MAPKAP1: variants seen among roughly 807,000 people sequenced by gnomAD.
The protein encoded by MAPKAP1 is target of rapamycin complex 2 subunit MAPKAP1.
In MAPKAP1, 20 loss-of-function variants were observed where a neutral mutation model predicts 65.7. The observed-to-expected ratio is 0.30, with a 90% CI of 0.21 to 0.44. The LOEUF (loss-of-function observed/expected upper bound fraction) is 0.44. MAPKAP1 is among the 20% of genes least tolerant of loss of function. The pLI is 1.00. For missense variants in MAPKAP1, 423 were observed against 648.0 expected, an observed-to-expected ratio of 0.65 and a Z score of 3.77; for synonymous variants, 222 against 244.3, an observed-to-expected ratio of 0.91 and a Z score of 0.85.
At chr9:125,658,024 G>A in intron 3 of MAPKAP1, among the ~76,000 whole-genome samples, 1 of 152,158 alleles carries the variant, frequency 6.6e-6, no homozygotes, top group East Asian at 1.9e-4. Context: ...GTTAAGGGAG[G>A]GGGAAGAATC....
At chr9:125,571,867 A>G (rs1238637777) in intron 5 of MAPKAP1, among the ~76,000 whole-genome samples, 2 of 152,132 alleles carry the variant, frequency 1.3e-5, no homozygotes, top group Non-Finnish European at 2.9e-5. Flanking sequence ...CTATCTCAAA[A>G]TAAATAAATA....
chr9:125,524,034 CTTAT>C (rs892670525), intron 7 of MAPKAP1, among the ~76,000 whole-genome samples: 28 of 152,326 alleles, frequency 1.8e-4, no homozygotes, highest in African/African-American at 5.5e-4. Context: ...TTGGTGAGTA[CTTAT>C]TTATTTATTT....
At chr9:125,571,990 T>G (rs1276775898) in intron 5 of MAPKAP1, among the ~76,000 whole-genome samples, 3 of 152,268 alleles carry the variant, frequency 2.0e-5, no homozygotes, top group African/African-American at 7.2e-5. Flanking sequence ...AAACAAAATT[T>G]GGAGCATATT....
At chr9:125,520,156 A>T (rs1050825670) in intron 7 of MAPKAP1, among the ~76,000 whole-genome samples, 1 of 152,166 alleles carries the variant, frequency 6.6e-6, no homozygotes, top group Admixed American at 6.5e-5. Context: ...AAAATTTCCC[A>T]TCTGTAAAAA....
chr9:125,700,668 C>T (rs953948693), intron 1 of MAPKAP1, among the ~76,000 whole-genome samples: 2 of 152,216 alleles, frequency 1.3e-5, no homozygotes, highest in African/African-American at 4.8e-5. Context: ...ATCTAGACTG[C>T]TGCCAACTAG....
intron 10 of MAPKAP1, among the ~76,000 whole-genome samples, chr9:125,457,612 G>A (rs537042713): frequency 6.6e-6 from 1 of 152,306 alleles, no homozygotes; most frequent in Admixed American, 6.5e-5. Flanking sequence ...AGAGTATTGG[G>A]CTTTGTTCTG....
In MAPKAP1 at chr9:125,439,520, C is replaced by G. The variant is rs1200020707; in HGVS notation, c.1444-508G>C. On this transcript the variant is annotated intron_variant, in intron 11 of 11. Coordinates refer to ENST00000265960, the MANE Select transcript of MAPKAP1 (RefSeq NM_001006617.3). The surrounding 1 kb of genome is among the most constrained non-coding windows in gnomAD (Gnocchi z 4.0). ...GTGCTTCCTTCAGGGCTCATGAGTG[C>G]CCAGCCAGGCAGGGCTCACTTGACA... 6.6e-6 allele frequency among the ~76,000 whole-genome samples: 1 copy of G among 152,210 alleles called. No homozygotes were observed.
intron 4 of MAPKAP1, among the ~76,000 whole-genome samples, chr9:125,601,048 T>A (rs73667022): frequency 0.027 from 4,046 of 152,286 alleles, 183 homozygotes; most frequent in African/African-American, 0.093. Flanking sequence ...TTACATGTTT[T>A]AAACTCTATC....
intron 1 of MAPKAP1, among the ~76,000 whole-genome samples, chr9:125,673,506 G>A (rs968117932): frequency 8.5e-5 from 13 of 152,204 alleles, no homozygotes; most frequent in East Asian, 1.9e-4. Context: ...GATTACAGGC[G>A]TGAGCCACCA....
intron 3 of MAPKAP1, among the ~76,000 whole-genome samples, chr9:125,661,027 G>C (rs1834170404): frequency 6.6e-6 from 1 of 152,090 alleles, no homozygotes; most frequent in Non-Finnish European, 1.5e-5. Context: ...TATTCTAAAA[G>C]TAAAGAAGAC....
chr9:125,685,801 T>C lies in MAPKAP1; in HGVS notation c.-69-13158A>G, dbSNP rs372956355. 3.9e-5 allele frequency among the ~76,000 whole-genome samples: 6 copies of C among 152,352 alleles called. No individual in the cohort carries two copies. In the East Asian group the frequency reaches 7.7e-4, roughly 20 times the overall value. On this transcript the variant is annotated intron_variant, in intron 1 of 11. Coordinates refer to ENST00000265960, the MANE Select transcript of MAPKAP1 (RefSeq NM_001006617.3). ...CAATAAGAGCTCATTGTGGAATGAA[T>C]AGACAACAGGTGCATCTTTCTTGTT...
At chr9:125,680,893 G>A (rs1834801811) in intron 1 of MAPKAP1, among the ~76,000 whole-genome samples, 1 of 152,160 alleles carries the variant, frequency 6.6e-6, no homozygotes, top group Non-Finnish European at 1.5e-5. Flanking sequence ...ACTTCAGGAA[G>A]GAAGGCAGAA....
rs1356986476 is a variant in MAPKAP1, at chr9:125,521,559, T to G, written c.959-15142A>C. 3 of 1,380,988 alleles carry G rather than the reference T, an allele frequency of 2.2e-6. No homozygotes were observed. The African/African-American group carries it at 4.5e-5, about 21-fold the overall frequency. The allele number at this position is 1,380,988 out of a possible 1,614,324, so 85.5% of individuals were successfully genotyped here. On this transcript the variant is annotated intron_variant, in intron 7 of 11. Coordinates refer to ENST00000265960, the MANE Select transcript of MAPKAP1 (RefSeq NM_001006617.3). ...AATGCATTCAAATAAATGCCAAAAC[T>G]GGTTGATGGGGATCCAGGGTGCTAA...
intron 8 of MAPKAP1, among the ~76,000 whole-genome samples, chr9:125,491,432 C>A (rs531541711): frequency 2.0e-5 from 3 of 151,888 alleles, no homozygotes; most frequent in African/African-American, 7.2e-5. Flanking sequence ...CAGAGTGAGA[C>A]CCTGTCTCAA....
rs1454816577 is a variant in MAPKAP1, at chr9:125,447,930, C to T, written c.1346-3332G>A. On this transcript the variant is annotated intron_variant, in intron 10 of 11. Coordinates refer to ENST00000265960, the MANE Select transcript of MAPKAP1 (RefSeq NM_001006617.3). The surrounding 1 kb of genome is among the most constrained non-coding windows in gnomAD (Gnocchi z 4.5). ...GGCATGGGCAAACATACAGGGTCTCCATGGGAGCTCTGGGCAAACCAGGGT... is the reference window on the plus strand; with the variant it reads ...GGCATGGGCAAACATACAGGGTCTCTATGGGAGCTCTGGGCAAACCAGGGT... Among the ~76,000 whole-genome samples, 1 of 152,186 alleles carries T rather than the reference C, an allele frequency of 6.6e-6. No individual in the cohort carries two copies. The highest frequency in any genetic ancestry group is 6.5e-5 in the Admixed American group (1 of 15,282).
At chr9:125,442,444 A>G (rs1398510281) in intron 11 of MAPKAP1, among the ~76,000 whole-genome samples, 2 of 151,856 alleles carry the variant, frequency 1.3e-5, no homozygotes, top group Non-Finnish European at 2.9e-5. Context: ...TCTGTCATCA[A>G]TCTGCTGTTG....
chr9:125,620,024 T>C (rs767512039), intron 4 of MAPKAP1, among the ~76,000 whole-genome samples: 11 of 152,194 alleles, frequency 7.2e-5, no homozygotes, highest in Non-Finnish European at 1.0e-4. Flanking sequence ...TTATACAGAT[T>C]TGGGCCGGGT....
rs77961936 is a variant in MAPKAP1 at position 125,658,365 on chromosome 9, C to T, written c.350-566G>A. Among the ~76,000 whole-genome samples the T allele has an allele frequency of 3.1e-3, 467 of 152,268 alleles. 19 individuals carry two copies. In the East Asian group the frequency reaches 0.079, roughly 26 times the overall value. Reference sequence around the variant, plus strand: ...ACAGTAGCTAACATTTATTGCTGCTCGGCCTTTTGGCTAAGATCAAGTGTA... The same window carrying T: ...ACAGTAGCTAACATTTATTGCTGCTTGGCCTTTTGGCTAAGATCAAGTGTA... On this transcript the variant is annotated intron_variant, in intron 3 of 11. Transcript: ENST00000265960.
intron 7 of MAPKAP1, among the ~76,000 whole-genome samples, chr9:125,542,397 A>G (rs1830279414): frequency 6.6e-6 from 1 of 152,200 alleles, no homozygotes; most frequent in South Asian, 2.1e-4. Flanking sequence ...AACACGTCAT[A>G]TATGAGTTGA....
Sources: allele counts gnomAD v4.1 joint callset (sites outside exome capture counted in the v4.1 genomes callset), GRCh38; gene constraint gnomAD v4.1.1; non-coding constraint Gnocchi (gnomAD v3.1); transcripts MANE v1.5; gene names NCBI Gene and HGNC (gene_info 2026-07-23, HGNC 2026-07-21).